PLCL2: variants seen among roughly 807,000 people sequenced by gnomAD.
The protein encoded by PLCL2 is phospholipase C like 2.
A neutral mutation model predicts 79.6 loss-of-function variants in PLCL2; 4 were observed. The ratio of observed to expected loss-of-function variants is 0.05; its 90% CI spans 0.02 to 0.11. The LOEUF is 0.11. Ranked by LOEUF, PLCL2 falls within the 10% of genes least tolerant of loss-of-function variation. The pLI is 1.00. For synonymous variants in PLCL2, 484 were observed against 457.7 expected (o/e 1.06, Z -0.73); for missense variants, 895 against 1,291.0 (o/e 0.69, Z 4.70).
At chr3:16,959,844 G>A (rs2063739313) in intron 1 of PLCL2, among the ~76,000 whole-genome samples, 1 of 152,190 alleles carries the variant, frequency 6.6e-6, no homozygotes, top group Non-Finnish European at 1.5e-5. Flanking sequence ...TGTGGCTCAT[G>A]CCTGTAATCC....
At chr3:17,030,327 A>G (rs958483328) in intron 3 of PLCL2, among the ~76,000 whole-genome samples, 1 of 152,168 alleles carries the variant, frequency 6.6e-6, no homozygotes, top group African/African-American at 2.4e-5. Flanking sequence ...TAAATACTCA[A>G]TAAATCATTG....
chr3:16,976,615 A>G (rs374608021), intron 1 of PLCL2, among the ~76,000 whole-genome samples: 5 of 152,350 alleles, frequency 3.3e-5, no homozygotes, highest in African/African-American at 1.2e-4. Context: ...ACTGCACAGC[A>G]TAGCCTAGCC....
intron 1 of PLCL2, among the ~76,000 whole-genome samples, chr3:16,936,930 G>A (rs1434212817): frequency 1.3e-5 from 2 of 152,094 alleles, no homozygotes; most frequent in African/African-American, 4.8e-5. Flanking sequence ...TTCAGCCTCA[G>A]TACTATGAAC....
In PLCL2 at chr3:17,011,608, A is replaced by G. The variant is rs1238321394; in HGVS notation, c.2262A>G (p.Gln754=). 3.7e-6 allele frequency: 6 copies of G among 1,614,076 alleles called. No individual in the cohort carries two copies. Among genetic ancestry groups the G allele is most frequent in the Admixed American group, 3.3e-5 (2 of 60,000 alleles). The change falls in exon 2 of 6, where the codon CAA becomes CAG. Residue 754 remains glutamine (Q), a synonymous_variant. Coordinates refer to ENST00000615277, the MANE Select transcript of PLCL2 (RefSeq NM_001144382.2). This position sits in a 1 kb window ranked among gnomAD's most constrained non-coding sequence, Gnocchi z 7.9. ...TKDSVPGVSP[Q]LLHIKIISGQ... ...ACTCTGTCCCAGGGGTCTCACCTCAACTTCTTCACATTAAAATCATCAGTG... is the reference window on the plus strand; with the variant it reads ...ACTCTGTCCCAGGGGTCTCACCTCAGCTTCTTCACATTAAAATCATCAGTG...
At chr3:16,960,478 C>G (rs151156769) in intron 1 of PLCL2, among the ~76,000 whole-genome samples, 2 of 152,210 alleles carry the variant, frequency 1.3e-5, no homozygotes, top group Admixed American at 1.3e-4. Context: ...GGACCTGACT[C>G]TCAGGGCCCT....
At position 16,906,831 on chromosome 3, in the gene PLCL2, T is replaced by C. The variant is rs1696762414; in HGVS notation, c.327+21465T>C. ...AATTTGTGACTAGGAAATTTCAGAG[T>C]GGCCAGGAAAAACATGCTAAAAATA... is the stretch of plus-strand genomic sequence containing the variant. On this transcript the variant is annotated intron_variant, in intron 1 of 5. Transcript: ENST00000615277. 2.0e-5 allele frequency among the ~76,000 whole-genome samples: 3 copies of C among 152,294 alleles called. No homozygotes were observed. The South Asian group carries it at 6.2e-4, about 32-fold the overall frequency.
At chr3:16,963,148 T>C (rs2063771935) in intron 1 of PLCL2, among the ~76,000 whole-genome samples, 1 of 152,066 alleles carries the variant, frequency 6.6e-6, no homozygotes, top group Non-Finnish European at 1.5e-5. Flanking sequence ...ATACTATTAA[T>C]TTGCAATATT....
At chr3:16,983,601 C>T (rs1452049940) in intron 1 of PLCL2, among the ~76,000 whole-genome samples, 2 of 152,110 alleles carry the variant, frequency 1.3e-5, no homozygotes, top group African/African-American at 2.4e-5. Context: ...ACCCGGGAAG[C>T]GGAGGTTGCA....
intron 1 of PLCL2, among the ~76,000 whole-genome samples, chr3:16,958,137 A>G (rs1338250250): frequency 1.3e-5 from 2 of 152,142 alleles, no homozygotes; most frequent in Non-Finnish European, 2.9e-5. Flanking sequence ...TGGTCTTTAC[A>G]TTTTGGCATC....
intron 1 of PLCL2, among the ~76,000 whole-genome samples, chr3:16,913,799 G>A (rs1446571508): frequency 6.6e-6 from 1 of 152,044 alleles, no homozygotes; most frequent in Non-Finnish European, 1.5e-5. Flanking sequence ...AGAACACTGG[G>A]GGTGCTAGAT....
chr3:16,922,676 C>G (rs1486846934), intron 1 of PLCL2, among the ~76,000 whole-genome samples: 1 of 151,916 alleles, frequency 6.6e-6, no homozygotes, highest in Non-Finnish European at 1.5e-5. Context: ...TGAAACTCTA[C>G]CTGTGAATGG....
At chr3:17,029,448 A>G (rs1251055763) in intron 3 of PLCL2, among the ~76,000 whole-genome samples, 1 of 151,970 alleles carries the variant, frequency 6.6e-6, no homozygotes, top group Non-Finnish European at 1.5e-5. Context: ...TCACCTGGCT[A>G]TGATAGGAGA....
intron 3 of PLCL2, among the ~76,000 whole-genome samples, chr3:17,018,406 T>G (rs535205026): frequency 6.6e-5 from 10 of 152,336 alleles, no homozygotes; most frequent in Admixed American, 2.6e-4. Context: ...TTAAGCTCAG[T>G]GTCCTTAAGT....
intron 1 of PLCL2, among the ~76,000 whole-genome samples, chr3:16,983,882 T>C (rs961525672): frequency 6.6e-6 from 1 of 152,234 alleles, no homozygotes; most frequent in Non-Finnish European, 1.5e-5. Context: ...CCTAATGCTT[T>C]CATTGCATTT....
At chr3:16,999,097 C>T (rs2064181842) in intron 1 of PLCL2, among the ~76,000 whole-genome samples, 1 of 152,148 alleles carries the variant, frequency 6.6e-6, no homozygotes, top group Non-Finnish European at 1.5e-5. Flanking sequence ...AATACTTATA[C>T]AAGACTTAAA....
At chr3:16,924,550 G>A (rs1359383325) in intron 1 of PLCL2, among the ~76,000 whole-genome samples, 3 of 152,186 alleles carry the variant, frequency 2.0e-5, no homozygotes, top group Admixed American at 6.5e-5. Context: ...CACAGACCCT[G>A]GAGGTCAGCC....
chr3:16,954,801 G>T (rs1165961546), intron 1 of PLCL2, among the ~76,000 whole-genome samples: 4 of 152,162 alleles, frequency 2.6e-5, no homozygotes, highest in Non-Finnish European at 5.9e-5. Flanking sequence ...TTTTTGGTGT[G>T]TTTTTTGGCT....
chr3:16,911,025 G>T (rs1696867964), intron 1 of PLCL2, among the ~76,000 whole-genome samples: 1 of 152,084 alleles, frequency 6.6e-6, no homozygotes, highest in Non-Finnish European at 1.5e-5. Context: ...GGCGAAGGTG[G>T]GTGGATCACT....
intron 1 of PLCL2, among the ~76,000 whole-genome samples, chr3:16,956,181 T>C (rs1197431611): frequency 2.0e-5 from 3 of 151,938 alleles, no homozygotes; most frequent in African/African-American, 7.3e-5. Flanking sequence ...TAAATAGCTC[T>C]TATTATTTTG....
Sources: allele counts gnomAD v4.1 joint callset (sites outside exome capture counted in the v4.1 genomes callset), GRCh38; gene constraint gnomAD v4.1.1; non-coding constraint Gnocchi (gnomAD v3.1); transcripts MANE v1.5; gene names NCBI Gene and HGNC (gene_info 2026-07-23, HGNC 2026-07-21).